RICTOR: variants seen among roughly 807,000 people sequenced by gnomAD.
The protein encoded by RICTOR is rapamycin-insensitive companion of mTOR.
Under a neutral mutation model 214.9 loss-of-function variants are expected in RICTOR, and 49 were observed. That is an observed-to-expected ratio of 0.23 (90% CI 0.18 to 0.29). RICTOR has a LOEUF of 0.29. RICTOR is among the 10% of genes least tolerant of loss of function. The probability of loss-of-function intolerance (pLI) is 1.00; values close to 1 mark genes in which losing one functional copy is unlikely to be tolerated. For synonymous variants in RICTOR, 717 were observed against 711.3 expected (o/e 1.01, Z -0.13); for missense variants, 1,625 against 2,047.0 (o/e 0.79, Z 3.98).
chr5:39,034,122 G>A (rs78386891), intron 2 of RICTOR, among the ~76,000 whole-genome samples: 2,871 of 152,282 alleles, frequency 0.019, 104 homozygotes, highest in African/African-American at 0.066. Flanking sequence ...AGTTAAACAA[G>A]TGACATCTAC....
intron 2 of RICTOR, 41 bp downstream of exon 2, chr5:39,074,070 C>A (rs2150229583): frequency 1.3e-6 from 2 of 1,528,056 alleles, no homozygotes; most frequent in Non-Finnish European, 1.8e-6. Flanking sequence ...GGCTCCTCCC[C>A]AGCAGCGCGC....
chr5:39,028,181 T>C (rs1755988402), intron 2 of RICTOR, among the ~76,000 whole-genome samples: 3 of 131,454 alleles, frequency 2.3e-5, no homozygotes, highest in South Asian at 2.6e-4. Context: ...AATTCTTTTT[T>C]TTTTTTTTTT....
chr5:39,002,468 T>C (rs1753719918), intron 5 of RICTOR, 67 bp downstream of exon 5: 3 of 1,023,910 alleles, frequency 2.9e-6, no homozygotes, highest in Admixed American at 2.1e-5. Context: ...CTATACACTT[T>C]ATGGCAGGCA....
chr5:38,951,616 C>T (rs1748788199), intron 30 of RICTOR, among the ~76,000 whole-genome samples: 1 of 151,914 alleles, frequency 6.6e-6, no homozygotes, highest in Admixed American at 6.6e-5. Context: ...TGGTGAAATA[C>T]ACAGTCTGAT....
At chr5:39,073,301 A>G (rs1759460046) in intron 2 of RICTOR, among the ~76,000 whole-genome samples, 1 of 152,224 alleles carries the variant, frequency 6.6e-6, no homozygotes, top group Admixed American at 6.5e-5. Flanking sequence ...TAACTACTAA[A>G]TCTTCAACGA....
At chr5:39,071,586 T>C (rs1002483899) in intron 2 of RICTOR, among the ~76,000 whole-genome samples, 6 of 152,188 alleles carry the variant, frequency 3.9e-5, no homozygotes, top group Non-Finnish European at 8.8e-5. Flanking sequence ...ATTTTAGAAA[T>C]GAAGAAATCA....
intron 8 of RICTOR, chr5:38,981,064 T>C (rs1751683256): frequency 1.3e-5 from 2 of 152,220 alleles, no homozygotes; most frequent in African/African-American, 4.8e-5. Flanking sequence ...TAGTTAATAA[T>C]ATAGGCTAAT....
At chr5:39,057,699 G>C (rs1758289918) in intron 2 of RICTOR, among the ~76,000 whole-genome samples, 1 of 152,066 alleles carries the variant, frequency 6.6e-6, no homozygotes, top group Admixed American at 6.5e-5. Context: ...TCTACACTCA[G>C]TTTAAATCTG....
chr5:39,067,652 A>G (rs1759000174), intron 2 of RICTOR, among the ~76,000 whole-genome samples: 1 of 152,204 alleles, frequency 6.6e-6, no homozygotes, highest in South Asian at 2.1e-4. Flanking sequence ...CAATCAGACT[A>G]GAAATTCAGG....
intron 37 of RICTOR, 74 bp from the exon 38 acceptor site, chr5:38,942,452 A>ATT (rs200385182): frequency 0.012 from 6,952 of 560,750 alleles, no homozygotes; most frequent in South Asian, 0.016. Context: ...TAAATATCTA[A>ATT]TTTTTTTTTT....
At position 38,949,707 on chromosome 5, in the gene RICTOR, C is replaced by T. The variant is rs754566238; in HGVS notation, c.4136+5G>A. The T allele has an allele frequency of 1.9e-6, 3 of 1,608,288 alleles. No homozygotes were observed. The Admixed American group carries it at 5.0e-5, about 27-fold the overall frequency. On this transcript the variant is annotated splice_donor_5th_base_variant and intron_variant, in intron 31 of 37. Transcript: ENST00000357387. ...TTGGTCACTTCTAAACATATATTTG[C>T]TTACCTGCTTGGTGTTAATCTGGAC...
At chr5:39,017,094 G>A (rs1352265341) in intron 3 of RICTOR, among the ~76,000 whole-genome samples, 1 of 152,016 alleles carries the variant, frequency 6.6e-6, no homozygotes. Flanking sequence ...ATTGCTGTAA[G>A]ACCCATGCTA....
chr5:38,977,039 C>T (rs974413039), intron 9 of RICTOR, among the ~76,000 whole-genome samples: 1 of 152,154 alleles, frequency 6.6e-6, no homozygotes, highest in Non-Finnish European at 1.5e-5. Flanking sequence ...CTTTCTCTAG[C>T]TGGTAGCCAA....
intron 17 of RICTOR, 124 bp from the exon 18 acceptor site, chr5:38,962,710 C>A (rs1206407212): frequency 2.1e-5 from 17 of 813,254 alleles, no homozygotes; most frequent in Non-Finnish European, 1.3e-5. Flanking sequence ...GGTTTTTTAA[C>A]TTTAAAGTTA....
At chr5:38,968,677 G>A (rs1750440143) in intron 11 of RICTOR, among the ~76,000 whole-genome samples, 1 of 151,264 alleles carries the variant, frequency 6.6e-6, no homozygotes. Flanking sequence ...GTTCGAGGAT[G>A]CAGTGAGCTA....
intron 3 of RICTOR, among the ~76,000 whole-genome samples, chr5:39,018,084 T>C (rs1755102305): frequency 6.6e-6 from 1 of 152,128 alleles, no homozygotes; most frequent in African/African-American, 2.4e-5. Flanking sequence ...CCCATTCTGT[T>C]TTCTATTTTA....
At position 38,950,460 on chromosome 5, in the gene RICTOR, G is replaced by T. The variant is rs185356021; in HGVS notation, c.3388C>A (p.Arg1130=). ...LSSESKTSNR[R]IRTLTEPSVD... ...CTGGGCTCCGTAAGTGTTCTGATTC[G>T]CCTGTTGCTTGTCTTACTTTCAGAT... The change falls in exon 31 of 38, where the codon CGA becomes AGA. Residue 1130 remains arginine, a synonymous_variant. Coordinates refer to ENST00000357387, the MANE Select transcript of RICTOR (RefSeq NM_152756.5). 6.2e-7 allele frequency: 1 copy of T among 1,613,384 alleles called. No individual in the cohort carries two copies. Among genetic ancestry groups the T allele is most frequent in the Admixed American group, 1.7e-5 (1 of 59,902 alleles).
rs1240149210 is a variant in RICTOR, at chr5:38,941,061, T to C, written c.*1243A>G. ...AAATGATGGCCATGCTATTTTTATA[T>C]ACAAATTTGCATATATGTTTAATTC... On this transcript the variant is annotated 3_prime_UTR_variant, in exon 38 of 38. Coordinates refer to ENST00000357387, the MANE Select transcript of RICTOR (RefSeq NM_152756.5). 2.1e-5 allele frequency: 5 copies of C among 232,790 alleles called. No homozygotes were observed. The East Asian group carries it at 2.4e-4, about 11-fold the overall frequency. 14.4% of individuals were successfully genotyped at this position (232,790 alleles called of 1,614,324 possible). A position where few individuals can be genotyped will look rare whatever the true frequency, so the allele number is the denominator to read the frequency against.
intron 10 of RICTOR, among the ~76,000 whole-genome samples, chr5:38,973,514 A>G (rs1253655424): frequency 1.3e-5 from 2 of 152,148 alleles, no homozygotes; most frequent in African/African-American, 2.4e-5. Flanking sequence ...ATTTTTCTGT[A>G]TGTTTCAAAT....
Sources: gnomAD v4.1 joint callset for allele counts (sites outside exome capture counted in the v4.1 genomes callset) on GRCh38, gnomAD v4.1.1 for gene constraint, MANE v1.5 for transcripts, NCBI Gene and HGNC (gene_info 2026-07-23, HGNC 2026-07-21) for gene names.